Variants in HK1 observed in about 807,000 individuals in gnomAD.
The protein encoded by HK1 is hexokinase 1, also known as hexokinase-1.
In HK1, 28 loss-of-function variants were observed where a neutral mutation model predicts 91.6. The observed-to-expected ratio is 0.31, with a 90% CI of 0.23 to 0.42. The LOEUF is 0.42. Ranked by LOEUF, HK1 falls within the 10% of genes least tolerant of loss-of-function variation. The pLI is 1.00. For missense variants in HK1, 770 were observed against 1,219.8 expected, an observed-to-expected ratio of 0.63 and a Z score of 5.49; for synonymous variants, 430 against 468.1, an observed-to-expected ratio of 0.92 and a Z score of 1.05.
At chr10:69,296,809 T>C (rs1244527245) in intron 4 of HK1, among the ~76,000 whole-genome samples, 2 of 152,188 alleles carry the variant, frequency 1.3e-5, no homozygotes, top group African/African-American at 4.8e-5. Flanking sequence ...TCTGACAGCA[T>C]GGCCTGAAGG....
At chr10:69,398,058 C>A (rs181709989) in intron 16 of HK1, among the ~76,000 whole-genome samples, 1 of 152,294 alleles carries the variant, frequency 6.6e-6, no homozygotes, top group East Asian at 1.9e-4. Flanking sequence ...AGAAATTTAT[C>A]CTAAGGAAAA....
chr10:69,311,040 G>C (rs373188619), upstream of HK1, among the ~76,000 whole-genome samples: 1 of 148,846 alleles, frequency 6.7e-6, no homozygotes, highest in Non-Finnish European at 1.5e-5. Flanking sequence ...CTGGGCAACA[G>C]AGTGAGACTC....
chr10:69,288,826 G>A (rs1845148126), intron 3 of HK1: 6 of 1,477,438 alleles, frequency 4.1e-6, no homozygotes, highest in East Asian at 4.5e-5. Context: ...TTGTTCCATC[G>A]CCCAGGCTGG....
chr10:69,323,520 C>CAAAAA (rs11421011), intron 1 of HK1, among the ~76,000 whole-genome samples: 3 of 95,284 alleles, frequency 3.1e-5, no homozygotes, highest in African/African-American at 1.2e-4. Flanking sequence ...GACTCTGTCT[C>CAAAAA]AAAAAAAAAA....
chr10:69,346,109 T>C (rs1364081826), intron 2 of HK1, among the ~76,000 whole-genome samples: 1 of 152,084 alleles, frequency 6.6e-6, no homozygotes, highest in Non-Finnish European at 1.5e-5. Flanking sequence ...TGTCTTCACC[T>C]CCCCCTGCCT....
At chr10:69,301,785 C>T (rs1312345120) in intron 5 of HK1, among the ~76,000 whole-genome samples, 2 of 151,948 alleles carry the variant, frequency 1.3e-5, no homozygotes, top group African/African-American at 4.8e-5. Flanking sequence ...TGGTAAACTC[C>T]CCAAATTAAT....
chr10:69,283,212 C>A (rs1844848402), intron 2 of HK1, among the ~76,000 whole-genome samples: 1 of 150,060 alleles, frequency 6.7e-6, no homozygotes, highest in African/African-American at 2.5e-5. Flanking sequence ...TTTGAGAGGC[C>A]AAGGCGGGAG....
chr10:69,332,355 C>CATTTTCTT (rs2132632132), intron 1 of HK1, among the ~76,000 whole-genome samples: 2 of 129,168 alleles, frequency 1.5e-5, no homozygotes, highest in South Asian at 5.7e-4. Flanking sequence ...CCCTAGGCCT[C>CATTTTCTT]ATTTTCTTTC....
chr10:69,307,492 A>C (rs1846160378), intron 5 of HK1, among the ~76,000 whole-genome samples: 2 of 152,326 alleles, frequency 1.3e-5, no homozygotes, highest in South Asian at 4.1e-4. Context: ...AAATAAGAGA[A>C]ATAAGGACAA....
Position 69,392,148 on chromosome 10 carries a change from A to G in HK1, c.2059A>G (p.Met687Val), listed in dbSNP as rs2132939115. ...IVGTGSNACY[M>V]EEMKNVEMVE... Reference sequence around the variant, plus strand: ...AGGGACCGGCAGCAATGCCTGCTACATGGAGGAGATGAAGAACGTGGAGAT... The same window carrying G: ...AGGGACCGGCAGCAATGCCTGCTACGTGGAGGAGATGAAGAACGTGGAGAT... Residue 687 changes from methionine (M) to valine (V), a missense_variant, in exon 15 of 18, where the codon ATG becomes GTG. Transcript: ENST00000359426. 1 of 1,614,128 alleles carries G rather than the reference A, an allele frequency of 6.2e-7. No individual in the cohort carries two copies. Among genetic ancestry groups the G allele is most frequent in the Non-Finnish European group, 8.5e-7 (1 of 1,180,022 alleles).
At chr10:69,345,303 C>G (rs1410478565) in intron 2 of HK1, among the ~76,000 whole-genome samples, 1 of 152,184 alleles carries the variant, frequency 6.6e-6, no homozygotes, top group African/African-American at 2.4e-5. Context: ...CTAGCACCTA[C>G]TTCTAGCTTT....
intron 2 of HK1, among the ~76,000 whole-genome samples, chr10:69,358,914 C>T (rs1285789565): frequency 6.7e-6 from 1 of 150,202 alleles, no homozygotes; most frequent in Non-Finnish European, 1.5e-5. Flanking sequence ...CAGGGTGGCT[C>T]ATACCTGCCT....
intron 16 of HK1, among the ~76,000 whole-genome samples, chr10:69,397,855 G>T (rs185198883): frequency 3.9e-4 from 59 of 152,236 alleles, no homozygotes; most frequent in Non-Finnish European, 7.5e-4. Flanking sequence ...AAAAAAAAGA[G>T]ATCATCCTCA....
At chr10:69,348,102 A>G (rs920920546) in intron 2 of HK1, among the ~76,000 whole-genome samples, 2 of 152,116 alleles carry the variant, frequency 1.3e-5, no homozygotes, top group Non-Finnish European at 2.9e-5. Context: ...TTAGAGTGTA[A>G]GCTTTTGGAG....
rs562263639 is a variant in HK1, at chr10:69,373,159, G to A, written c.875+3535G>A. On this transcript the variant is annotated intron_variant, in intron 7 of 17. Coordinates refer to ENST00000359426, the MANE Select transcript of HK1 (RefSeq NM_000188.3). ...TCTGGGATTACAGACGTGAGCCCCC[G>A]TGCCCAGCCATTAACCAGGTTTTAA... is the stretch of plus-strand genomic sequence containing the variant. Among the ~76,000 whole-genome samples the A allele has an allele frequency of 2.6e-4, 39 of 152,276 alleles. 1 individual carries two copies. The South Asian group carries it at 7.5e-3, about 29-fold the overall frequency.
intron 1 of HK1, among the ~76,000 whole-genome samples, chr10:69,334,483 G>T (rs1179416733): frequency 6.6e-6 from 1 of 152,200 alleles, no homozygotes; most frequent in Non-Finnish European, 1.5e-5. Flanking sequence ...GGAAGGCAGG[G>T]GTTAGAAGTG....
intron 1 of HK1, among the ~76,000 whole-genome samples, chr10:69,334,354 A>G (rs1847874022): frequency 6.6e-6 from 1 of 152,118 alleles, no homozygotes; most frequent in African/African-American, 2.4e-5. Context: ...ATTATCCCAG[A>G]CACAGTTCCT....
intron 1 of HK1, among the ~76,000 whole-genome samples, chr10:69,319,812 G>C (rs112354651): frequency 0.03 from 4,636 of 152,284 alleles, 128 homozygotes; most frequent in Non-Finnish European, 0.041. Context: ...CCGCTGGCAG[G>C]TCTTAAAGGT....
At position 69,271,307 on chromosome 10, in the gene HK1, GAAT is replaced by G. The variant is rs1200917613; in HGVS notation, c.-391+1203_-391+1205del. On this transcript the variant is annotated intron_variant, in intron 1 of 21. Coordinates refer to the HK1 transcript ENST00000360289. ...ACAAGAAACCTTGTATTCTTTCTCA[GAAT>G]AATGTTTTTAAATGCATAAAATACA... Among the ~76,000 whole-genome samples, 3 of 151,940 alleles carry G rather than the reference GAAT, an allele frequency of 2.0e-5. 1 individual carries two copies. Among genetic ancestry groups the G allele is most frequent in the Admixed American group, 2.0e-4 (3 of 15,242 alleles).
Sources: gnomAD v4.1 joint callset for allele counts (sites outside exome capture counted in the v4.1 genomes callset) on GRCh38, gnomAD v4.1.1 for gene constraint, MANE v1.5 for transcripts, NCBI Gene and HGNC (gene_info 2026-07-23, HGNC 2026-07-21) for gene names.